Variants in RBFOX1 observed in about 807,000 individuals in gnomAD.
The protein encoded by RBFOX1 is RNA binding fox-1 homolog 1.
In RBFOX1, 8 loss-of-function variants were observed where a neutral mutation model predicts 57.7. The observed-to-expected ratio is 0.14, with a 90% CI of 0.08 to 0.25. The LOEUF is 0.25. Ranked by LOEUF, RBFOX1 falls within the 10% of genes least tolerant of loss-of-function variation. The pLI, the probability that RBFOX1 is intolerant of heterozygous loss-of-function variation, is 1.00. For synonymous variants in RBFOX1, 326 were observed against 222.4 expected, an observed-to-expected ratio of 1.47 and a Z score of -4.15; for missense variants, 611 against 548.5, an observed-to-expected ratio of 1.11 and a Z score of -1.14.
intron 1 of RBFOX1, among the ~76,000 whole-genome samples, chr16:6,279,891 G>T (rs1489065346): frequency 6.6e-6 from 1 of 151,804 alleles, no homozygotes; most frequent in Non-Finnish European, 1.5e-5. Flanking sequence ...GTCTAGGTGA[G>T]GATTTTTTTT....
intron 2 of RBFOX1, among the ~76,000 whole-genome samples, chr16:6,652,834 G>A (rs2098607554): frequency 6.6e-6 from 1 of 152,108 alleles, no homozygotes; most frequent in Admixed American, 6.5e-5. Flanking sequence ...GGAGGGTGGT[G>A]ATGGTTGCAC....
intron 3 of RBFOX1, among the ~76,000 whole-genome samples, chr16:5,705,796 G>C (rs112061647): frequency 1.3e-5 from 2 of 152,180 alleles, no homozygotes; most frequent in Non-Finnish European, 2.9e-5. Context: ...ATCTGTGTGC[G>C]AGGCCTCTTG....
chr16:5,989,525 AG>A (rs938012490), intron 4 of RBFOX1, among the ~76,000 whole-genome samples: 2 of 152,088 alleles, frequency 1.3e-5, no homozygotes, highest in African/African-American at 4.8e-5. Context: ...GATAGGATTT[AG>A]GGGCAAGAAC....
At chr16:5,275,840 C>T (rs569036487) in intron 1 of RBFOX1, among the ~76,000 whole-genome samples, 3 of 152,278 alleles carry the variant, frequency 2.0e-5, no homozygotes, top group South Asian at 2.1e-4. Context: ...AAAATAGGCA[C>T]ATGACCAATG....
chr16:5,549,845 G>A (rs1182859282), intron 2 of RBFOX1, among the ~76,000 whole-genome samples: 2 of 152,184 alleles, frequency 1.3e-5, no homozygotes, highest in South Asian at 2.1e-4. Context: ...GATGGAAGCA[G>A]TGTCATCTGA....
intron 9 of RBFOX1, among the ~76,000 whole-genome samples, chr16:7,606,888 G>A (rs1016244819): frequency 6.6e-6 from 1 of 152,134 alleles, no homozygotes; most frequent in Admixed American, 6.5e-5. Flanking sequence ...TTTTGTTTAT[G>A]CAAGCTTTCT....
At chr16:5,906,226 A>G (rs980207555) in intron 4 of RBFOX1, among the ~76,000 whole-genome samples, 1 of 152,130 alleles carries the variant, frequency 6.6e-6, no homozygotes, top group African/African-American at 2.4e-5. Context: ...GTTCTTGTAG[A>G]TACAATTAGT....
chr16:5,923,830 C>A (rs866625408), intron 4 of RBFOX1, among the ~76,000 whole-genome samples: 1 of 151,986 alleles, frequency 6.6e-6, no homozygotes, highest in Non-Finnish European at 1.5e-5. Flanking sequence ...TGTGAGCCAC[C>A]GTACCTAGCC....
At chr16:5,476,894 C>G (rs550215073) in intron 2 of RBFOX1, among the ~76,000 whole-genome samples, 35 of 152,188 alleles carry the variant, frequency 2.3e-4, no homozygotes, top group Non-Finnish European at 4.4e-4. Context: ...CCCAGTTATT[C>G]AAATAAAAAT....
At chr16:7,483,899 T>C (rs921616647) in intron 4 of RBFOX1, among the ~76,000 whole-genome samples, 1 of 152,248 alleles carries the variant, frequency 6.6e-6, no homozygotes, top group Non-Finnish European at 1.5e-5. Flanking sequence ...ATTCATCCGC[T>C]TAAGTGTACA....
intron 1 of RBFOX1, among the ~76,000 whole-genome samples, chr16:5,246,447 A>AT (rs1358836072): frequency 2.0e-5 from 3 of 151,968 alleles, no homozygotes; most frequent in Non-Finnish European, 4.4e-5. Context: ...TCCTCGACTT[A>AT]TTTTTTTGTG....
chr16:6,939,506 C>CTTTTCTTTTTTTTTTTTTTTTTTT (rs1555651253), intron 3 of RBFOX1, among the ~76,000 whole-genome samples: 2 of 112,890 alleles, frequency 1.8e-5, no homozygotes, highest in African/African-American at 3.1e-5. Context: ...ATTTTTCTTT[C>CTTTTCTTTTTTTTTTTTTTTTTTT]TTTTTTTTTT....
At chr16:7,455,090 C>T (rs922065470) in intron 4 of RBFOX1, among the ~76,000 whole-genome samples, 1 of 152,184 alleles carries the variant, frequency 6.6e-6, no homozygotes, top group East Asian at 1.9e-4. Context: ...GATAGCAAAC[C>T]AGACCATTGT....
At chr16:6,435,346 G>T (rs1236812918) in intron 2 of RBFOX1, among the ~76,000 whole-genome samples, 2 of 151,726 alleles carry the variant, frequency 1.3e-5, no homozygotes, top group Non-Finnish European at 2.9e-5. Context: ...TGTCGCCCAG[G>T]CTGGAGGGCA....
intron 4 of RBFOX1, among the ~76,000 whole-genome samples, chr16:7,305,099 G>C (rs1230899624): frequency 6.6e-6 from 1 of 151,568 alleles, no homozygotes; most frequent in Non-Finnish European, 1.5e-5. Context: ...TGTTGTCTTT[G>C]TTGGCATGTG....
At chr16:6,699,564 C>T (rs965994310) in intron 3 of RBFOX1, among the ~76,000 whole-genome samples, 2 of 152,172 alleles carry the variant, frequency 1.3e-5, no homozygotes, top group African/African-American at 4.8e-5. Flanking sequence ...AACACCAAAG[C>T]GAGTGATATG....
intron 3 of RBFOX1, among the ~76,000 whole-genome samples, chr16:6,864,075 G>C (rs1234380804): frequency 2.6e-5 from 4 of 151,178 alleles, no homozygotes; most frequent in African/African-American, 9.7e-5. Context: ...CAGACTACAG[G>C]GAGAGTAGCA....
intron 3 of RBFOX1, among the ~76,000 whole-genome samples, chr16:7,013,310 C>G (rs1254110592): frequency 6.6e-6 from 1 of 152,166 alleles, no homozygotes; most frequent in Non-Finnish European, 1.5e-5. Context: ...AGGAGCTTAA[C>G]TCAGTGTTCT....
Position 6,019,978 on chromosome 16 carries a change from C to G in RBFOX1, c.-141C>G, listed in dbSNP as rs891841340. On this transcript the variant is annotated 5_prime_UTR_variant, in exon 1 of 16. Coordinates refer to ENST00000550418, the MANE Select transcript of RBFOX1 (RefSeq NM_018723.4). This position sits in a 1 kb window ranked among gnomAD's most constrained non-coding sequence, Gnocchi z 4.2. ...CCGAGAACGTGACCGCAGCCGGGCT[C>G]GCCGGGAGTTCTAGGTAAGTCCAGG... The G allele has an allele frequency of 6.5e-7, 1 of 1,529,698 alleles. No homozygotes were observed. Among genetic ancestry groups the G allele is most frequent in the Non-Finnish European group, 8.7e-7 (1 of 1,142,892 alleles). 94.8% of individuals were successfully genotyped at this position (1,529,698 alleles called of 1,614,324 possible).
Sources: allele counts gnomAD v4.1 joint callset (sites outside exome capture counted in the v4.1 genomes callset), GRCh38; gene constraint gnomAD v4.1.1; non-coding constraint Gnocchi (gnomAD v3.1); transcripts MANE v1.5; gene names NCBI Gene and HGNC (gene_info 2026-07-23, HGNC 2026-07-21).